KIAA0825: variants seen among roughly 807,000 people sequenced by gnomAD.
The protein encoded by KIAA0825 is KIAA0825.
Under a neutral mutation model 147.6 loss-of-function variants are expected in KIAA0825, and 119 were observed. The observed-to-expected ratio is 0.81, with a 90% confidence interval of 0.69 to 0.94. The LOEUF (loss-of-function observed/expected upper bound fraction) is 0.94. Among genes scored for constraint, KIAA0825 ranks in the 40% least tolerant of loss-of-function variants. KIAA0825 has a pLI of 0.00. For missense variants in KIAA0825, 1,381 were observed against 1,472.7 expected (o/e 0.94, Z 1.02); for synonymous variants, 470 against 518.1 (o/e 0.91, Z 1.26).
intron 1 of KIAA0825, among the ~76,000 whole-genome samples, chr5:94,602,919 C>G (rs1377257532): frequency 6.6e-6 from 1 of 151,742 alleles, no homozygotes; most frequent in African/African-American, 2.4e-5. Context: ...ACCTCTGCCA[C>G]CCGGGTTCAA....
At chr5:94,394,610 A>T (rs1750382560) in intron 17 of KIAA0825, among the ~76,000 whole-genome samples, 1 of 152,142 alleles carries the variant, frequency 6.6e-6, no homozygotes, top group Admixed American at 6.6e-5. Context: ...CTTTAAATGG[A>T]CCTTATTTGA....
chr5:94,184,251 A>G (rs1769921348), intron 20 of KIAA0825, among the ~76,000 whole-genome samples: 1 of 152,168 alleles, frequency 6.6e-6, no homozygotes, highest in African/African-American at 2.4e-5. Flanking sequence ...AGAAAGAAAT[A>G]TGACTATCAG....
intron 10 of KIAA0825, among the ~76,000 whole-genome samples, chr5:94,467,205 T>C (rs1760659927): frequency 6.6e-6 from 1 of 152,244 alleles, no homozygotes; most frequent in Non-Finnish European, 1.5e-5. Context: ...GTTCTAACAA[T>C]TCTTTTTAAA....
intron 16 of KIAA0825, among the ~76,000 whole-genome samples, chr5:94,400,252 A>C (rs1478699090): frequency 3.3e-5 from 5 of 152,190 alleles, no homozygotes; most frequent in African/African-American, 9.6e-5. Flanking sequence ...ATTTTTAAGA[A>C]AAGCATTCAA....
chr5:94,470,124 A>C lies in KIAA0825; in HGVS notation c.1722-13T>G. On this transcript the variant is annotated splice_polypyrimidine_tract_variant and intron_variant, in intron 9 of 20. Transcript: ENST00000682413. ...CAGGAATATGGGTCTGTTCAGAGAG[A>C]ATGATCAAAGAGACAGAGATTTAAG... is the stretch of plus-strand genomic sequence containing the variant. 1 of 1,543,472 alleles carries C rather than the reference A, an allele frequency of 6.5e-7. No individual in the cohort carries two copies. The highest frequency in any genetic ancestry group is 8.8e-7 in the Non-Finnish European group (1 of 1,142,500).
At chr5:94,266,701 C>A (rs996581840) in intron 20 of KIAA0825, among the ~76,000 whole-genome samples, 1 of 152,086 alleles carries the variant, frequency 6.6e-6, no homozygotes, top group African/African-American at 2.4e-5. Flanking sequence ...TAAAGTAATG[C>A]CACTCATCAC....
At chr5:94,485,013 AC>A in intron 5 of KIAA0825, 83 bp from the exon 6 acceptor site, 1 of 997,832 alleles carries the variant, frequency 1.0e-6, no homozygotes, top group Non-Finnish European at 1.3e-6. Flanking sequence ...GATTCCATAA[AC>A]CATATAAAAA....
intron 20 of KIAA0825, among the ~76,000 whole-genome samples, chr5:94,319,143 G>A (rs1779930954): frequency 6.6e-6 from 1 of 151,864 alleles, no homozygotes. Context: ...TGTTTGAAGT[G>A]ACAAGTGACT....
chr5:94,338,246 G>C (rs1003551157), intron 20 of KIAA0825, among the ~76,000 whole-genome samples: 10 of 151,390 alleles, frequency 6.6e-5, no homozygotes, highest in Non-Finnish European at 1.0e-4. Context: ...TATTTTTTAT[G>C]CAGTATATAT....
chr5:94,228,504 T>C (rs576292443), intron 20 of KIAA0825, among the ~76,000 whole-genome samples: 6 of 152,278 alleles, frequency 3.9e-5, no homozygotes, highest in South Asian at 2.1e-4. Flanking sequence ...CCATTCTTAG[T>C]GTATGGGTCT....
chr5:94,433,152 C>T lies in KIAA0825; in HGVS notation c.2497+6830G>A, dbSNP rs560308086. 4.7e-4 allele frequency among the ~76,000 whole-genome samples: 72 copies of T among 152,186 alleles called. 1 individual carries two copies. The highest frequency in any genetic ancestry group is 3.1e-3 in the East Asian group (16 of 5,170). On this transcript the variant is annotated intron_variant, in intron 14 of 20. Transcript: ENST00000682413. ...GGGTTGACATCCTGCCTCAGCCTCC[C>T]GAGTAGCTAGGACTACAGGCGCCTG...
intron 15 of KIAA0825, among the ~76,000 whole-genome samples, chr5:94,407,709 G>A (rs551334406): frequency 6.6e-6 from 1 of 152,148 alleles, no homozygotes; most frequent in Admixed American, 6.5e-5. Flanking sequence ...TGGGTACAGG[G>A]TTTCTTTTTG....
chr5:94,436,734 T>C (rs181297819), intron 14 of KIAA0825, among the ~76,000 whole-genome samples: 135 of 152,324 alleles, frequency 8.9e-4, no homozygotes, highest in African/African-American at 2.9e-3. Context: ...TTCACAATAT[T>C]GATTCTTCCT....
chr5:94,417,005 C>G, intron 15 of KIAA0825, 196 bp downstream of exon 15: 1 of 480,066 alleles, frequency 2.1e-6, no homozygotes, highest in South Asian at 4.1e-5. Context: ...GCATCTTGTC[C>G]CAAAGTATAT....
chr5:94,376,000 G>T (rs1747504919), intron 20 of KIAA0825, among the ~76,000 whole-genome samples: 1 of 152,188 alleles, frequency 6.6e-6, no homozygotes, highest in African/African-American at 2.4e-5. Context: ...TTAAGAACAT[G>T]GCCTCGAGCC....
chr5:94,553,585 TGAAACC>T (rs756212828), intron 2 of KIAA0825, among the ~76,000 whole-genome samples: 1 of 150,814 alleles, frequency 6.6e-6, no homozygotes, highest in Non-Finnish European at 1.5e-5. Flanking sequence ...GTCAACATGG[TGAAACC>T]CCATCTCTAC....
intron 20 of KIAA0825, among the ~76,000 whole-genome samples, chr5:94,187,704 C>T (rs915828731): frequency 3.3e-5 from 5 of 152,206 alleles, no homozygotes; most frequent in African/African-American, 1.2e-4. Flanking sequence ...GGATTACAGG[C>T]ATGAGCCACC....
intron 20 of KIAA0825, among the ~76,000 whole-genome samples, chr5:94,177,094 T>C (rs1412660741): frequency 6.6e-6 from 1 of 152,160 alleles, no homozygotes; most frequent in African/African-American, 2.4e-5. Context: ...AAATGCTTTA[T>C]GTGGAAAATT....
At chr5:94,492,366 A>G (rs528424199) in intron 5 of KIAA0825, among the ~76,000 whole-genome samples, 1 of 152,288 alleles carries the variant, frequency 6.6e-6, no homozygotes, top group African/African-American at 2.4e-5. Context: ...TTGCTATACA[A>G]ATGTTAGATT....
Sources: gnomAD v4.1 joint callset for allele counts (sites outside exome capture counted in the v4.1 genomes callset) on GRCh38, gnomAD v4.1.1 for gene constraint, MANE v1.5 for transcripts, NCBI Gene and HGNC (gene_info 2026-07-23, HGNC 2026-07-21) for gene names.